EPHA6: variants seen among roughly 807,000 people sequenced by gnomAD.
The protein encoded by EPHA6 is ephrin type-A receptor 6.
In EPHA6, 50 loss-of-function variants were observed where a neutral mutation model predicts 112.0. The ratio of observed to expected loss-of-function variants is 0.45; its 90% CI spans 0.36 to 0.56. The LOEUF (loss-of-function observed/expected upper bound fraction) is 0.56, where lower values mean the gene tolerates loss of function less well. Among genes scored for constraint, EPHA6 ranks in the 20% least tolerant of loss-of-function variants. The probability of loss-of-function intolerance (pLI) is 0.00; values close to 1 mark genes in which losing one functional copy is unlikely to be tolerated. For missense variants in EPHA6, 1,280 were observed against 1,417.4 expected (o/e 0.90, Z 1.56); for synonymous variants, 529 against 490.7 (o/e 1.08, Z -1.03).
intron 9 of EPHA6, among the ~76,000 whole-genome samples, chr3:97,483,429 T>C (rs6770938): frequency 0.085 from 12,958 of 152,226 alleles, 1,700 homozygotes; most frequent in African/African-American, 0.28. Flanking sequence ...TGGCCTTTCT[T>C]GTTTCTATGC....
At chr3:97,436,808 C>A (rs1265631119) in intron 6 of EPHA6, among the ~76,000 whole-genome samples, 1 of 152,144 alleles carries the variant, frequency 6.6e-6, no homozygotes, top group Non-Finnish European at 1.5e-5. Context: ...CTGGTAATTT[C>A]ATCTTCAAAG....
chr3:97,632,936 T>A (rs1035363516), intron 13 of EPHA6, among the ~76,000 whole-genome samples: 4 of 152,072 alleles, frequency 2.6e-5, no homozygotes, highest in African/African-American at 9.7e-5. Flanking sequence ...CAGGACAGCC[T>A]GGCACTCAGA....
chr3:97,068,190 G>A (rs75296776), intron 3 of EPHA6, among the ~76,000 whole-genome samples: 5 of 148,852 alleles, frequency 3.4e-5, no homozygotes, highest in Admixed American at 2.7e-4. Context: ...AAGAGTCAGG[G>A]ATAAAGAATC....
intron 3 of EPHA6, among the ~76,000 whole-genome samples, chr3:97,154,244 A>T (rs567662404): frequency 1.3e-5 from 2 of 151,820 alleles, no homozygotes; most frequent in South Asian, 4.1e-4. Flanking sequence ...TATTGGGAAG[A>T]TATGTCTCGT....
chr3:97,556,247 C>A (rs945137793), intron 11 of EPHA6, among the ~76,000 whole-genome samples: 6 of 152,000 alleles, frequency 3.9e-5, no homozygotes, highest in Admixed American at 3.9e-4. Flanking sequence ...CCTCGTGTGA[C>A]CCTTTTGTTT....
chr3:97,065,845 A>T (rs1032362211), intron 3 of EPHA6, among the ~76,000 whole-genome samples: 25 of 152,022 alleles, frequency 1.6e-4, no homozygotes, highest in Non-Finnish European at 3.1e-4. Flanking sequence ...CTAAAGTTTA[A>T]TTTTTAAAGA....
chr3:96,833,033 T>A lies in EPHA6; in HGVS notation c.385+18025T>A, dbSNP rs74835692. On this transcript the variant is annotated intron_variant, in intron 1 of 17. Transcript: ENST00000389672. Reference sequence around the variant, plus strand: ...AACTTGGCCCAGTGTTAAAGATTATTAGTTACAGTATCTTCTGCGTTGAAT... The same window carrying A: ...AACTTGGCCCAGTGTTAAAGATTATAAGTTACAGTATCTTCTGCGTTGAAT... 2.2e-3 allele frequency among the ~76,000 whole-genome samples: 335 copies of A among 151,834 alleles called. 1 individual carries two copies. Among genetic ancestry groups the A allele is most frequent in the African/African-American group, 7.9e-3 (326 of 41,442 alleles).
chr3:96,995,042 C>T (rs1170803076), intron 3 of EPHA6, among the ~76,000 whole-genome samples: 3 of 151,940 alleles, frequency 2.0e-5, no homozygotes, highest in Non-Finnish European at 2.9e-5. Context: ...TGGCAATTCT[C>T]GGACCATTGC....
intron 3 of EPHA6, among the ~76,000 whole-genome samples, chr3:97,199,840 C>G (rs1438609946): frequency 6.6e-6 from 1 of 152,046 alleles, no homozygotes; most frequent in Non-Finnish European, 1.5e-5. Flanking sequence ...TGTCTTTGAC[C>G]TTTGGTTATT....
intron 2 of EPHA6, among the ~76,000 whole-genome samples, chr3:96,887,580 G>A (rs1281722295): frequency 2.0e-5 from 3 of 152,178 alleles, no homozygotes; most frequent in Non-Finnish European, 4.4e-5. Flanking sequence ...CTCCTGCCGG[G>A]AGGTTATGCT....
At chr3:97,640,324 T>C (rs528139587) in intron 14 of EPHA6, among the ~76,000 whole-genome samples, 6 of 152,276 alleles carry the variant, frequency 3.9e-5, no homozygotes, top group African/African-American at 9.6e-5. Flanking sequence ...TTTGGGGCCA[T>C]AGGCAATGGA....
intron 5 of EPHA6, among the ~76,000 whole-genome samples, chr3:97,292,362 C>T (rs895039639): frequency 7.9e-5 from 12 of 152,238 alleles, no homozygotes; most frequent in Non-Finnish European, 1.5e-4. Context: ...TATGTTACAA[C>T]TCTTTCCGTC....
chr3:97,446,961 A>C (rs1205680533), intron 6 of EPHA6, among the ~76,000 whole-genome samples: 2 of 152,132 alleles, frequency 1.3e-5, no homozygotes, highest in African/African-American at 2.4e-5. Flanking sequence ...GATAAATATA[A>C]GTTGCAGTTT....
chr3:97,233,051 G>T (rs373266208), intron 4 of EPHA6, among the ~76,000 whole-genome samples: 1 of 152,098 alleles, frequency 6.6e-6, no homozygotes, highest in Non-Finnish European at 1.5e-5. Flanking sequence ...GTAAGCAGCT[G>T]ATCACCAGCT....
chr3:97,554,694 A>G (rs1248854405), intron 11 of EPHA6, among the ~76,000 whole-genome samples: 1 of 152,000 alleles, frequency 6.6e-6, no homozygotes, highest in Non-Finnish European at 1.5e-5. Flanking sequence ...CTCAGGAGGT[A>G]GAACACTGCT....
chr3:96,973,179 A>T (rs190034054), intron 2 of EPHA6, among the ~76,000 whole-genome samples: 155 of 152,288 alleles, frequency 1.0e-3, no homozygotes, highest in Non-Finnish European at 1.3e-3. Flanking sequence ...AAGGGTTTTT[A>T]GAGAATCCTC....
intron 5 of EPHA6, among the ~76,000 whole-genome samples, chr3:97,296,378 C>T (rs1376333887): frequency 6.6e-6 from 1 of 152,130 alleles, no homozygotes; most frequent in Non-Finnish European, 1.5e-5. Context: ...GAAGGTATGC[C>T]TGTTCTGTTT....
intron 7 of EPHA6, among the ~76,000 whole-genome samples, chr3:97,451,845 A>T (rs1396555334): frequency 6.6e-6 from 1 of 151,862 alleles, no homozygotes; most frequent in Non-Finnish European, 1.5e-5. Flanking sequence ...CAGCCTTATT[A>T]TTAAGTTCTC....
rs947544623 is a variant in EPHA6, at chr3:97,124,309, C to G, written c.1115-101955C>G. ...TAATCTGATCATCACCGAGAGGAAA[C>G]TTAGGGAGGAATAAAGACAATAAAT... On this transcript the variant is annotated intron_variant, in intron 3 of 17. Coordinates refer to ENST00000389672, the MANE Select transcript of EPHA6 (RefSeq NM_001080448.3). Among the ~76,000 whole-genome samples the G allele has an allele frequency of 1.2e-4, 18 of 151,650 alleles. 1 individual carries two copies. The East Asian group carries it at 2.5e-3, about 21-fold the overall frequency.
Sources: allele counts gnomAD v4.1 joint callset (sites outside exome capture counted in the v4.1 genomes callset), GRCh38; gene constraint gnomAD v4.1.1; transcripts MANE v1.5; gene names NCBI Gene and HGNC (gene_info 2026-07-23, HGNC 2026-07-21).